Variants in AGAP6 observed in about 807,000 individuals in gnomAD.
The protein encoded by AGAP6 is ArfGAP with GTPase domain, ankyrin repeat and PH domain 6.
Under a neutral mutation model 63.9 loss-of-function variants are expected in AGAP6, and 29 were observed. The ratio of observed to expected loss-of-function variants is 0.45; its 90% CI spans 0.34 to 0.62. The LOEUF (loss-of-function observed/expected upper bound fraction) is 0.62, where lower values mean the gene tolerates loss of function less well. AGAP6 is among the 20% of genes least tolerant of loss of function. The pLI is 0.01. For synonymous variants in AGAP6, 199 were observed against 332.9 expected (o/e 0.60, Z 4.38); for missense variants, 493 against 884.9 (o/e 0.56, Z 5.62).
chr10:49,999,918 C>A (rs1441332043), intron 4 of AGAP6, among the ~76,000 whole-genome samples: 2 of 142,446 alleles, frequency 1.4e-5, no homozygotes, highest in Non-Finnish European at 3.0e-5. Context: ...TAGACCTAAC[C>A]AAGGAGGTGA....
intron 4 of AGAP6, 67 bp downstream of exon 4, chr10:49,994,496 T>G: frequency 6.7e-7 from 1 of 1,501,180 alleles, no homozygotes. Flanking sequence ...TCTTGATTTC[T>G]TTAAATTACA....
chr10:49,998,861 C>T (rs1841592495), intron 4 of AGAP6, among the ~76,000 whole-genome samples: 1 of 138,878 alleles, frequency 7.2e-6, no homozygotes. Context: ...GGGTGTCTTT[C>T]CATTTGTTTG....
At chr10:49,989,833 T>G (rs1386960505) in intron 2 of AGAP6, among the ~76,000 whole-genome samples, 7 of 152,242 alleles carry the variant, frequency 4.6e-5, no homozygotes, top group East Asian at 1.9e-4. Flanking sequence ...GTGTGTGTGT[T>G]TGGGGTTTCT....
intron 2 of AGAP6, among the ~76,000 whole-genome samples, chr10:49,990,555 A>C (rs1309199848): frequency 6.6e-6 from 1 of 152,262 alleles, no homozygotes; most frequent in Non-Finnish European, 1.5e-5. Context: ...TTTGCCTCAA[A>C]AATTTTGCAA....
At chr10:49,992,310 A>G (rs1435198745) in intron 3 of AGAP6, among the ~76,000 whole-genome samples, 2 of 151,824 alleles carry the variant, frequency 1.3e-5, no homozygotes, top group Non-Finnish European at 2.9e-5. Context: ...AACATGCCCT[A>G]CTCCTGCTTA....
rs1168884993 is a variant in AGAP6, at chr10:49,999,420, A to G, written c.397-2576A>G. Among the ~76,000 whole-genome samples, 6 of 140,610 alleles carry G rather than the reference A, an allele frequency of 4.3e-5. 2 individuals are homozygous for G. Among genetic ancestry groups the G allele is most frequent in the African/African-American group, 1.6e-4 (6 of 36,774 alleles). The allele number at this position is 140,610 out of a possible 152,430, so 92.2% of individuals were successfully genotyped here. ...ATTTGACAAAATGCAGCATCCTTTTATGATTAAAACCCTCAGCAAAATCAG... is the reference window on the plus strand; with the variant it reads ...ATTTGACAAAATGCAGCATCCTTTTGTGATTAAAACCCTCAGCAAAATCAG... On this transcript the variant is annotated intron_variant, in intron 4 of 7. Transcript: ENST00000412531.
intron 2 of AGAP6, among the ~76,000 whole-genome samples, chr10:49,990,735 T>A (rs1423046935): frequency 2.0e-5 from 3 of 152,232 alleles, no homozygotes; most frequent in African/African-American, 7.2e-5. Context: ...GTCTTATAGC[T>A]CTTCTATTTA....
chr10:50,008,743 T>C lies in AGAP6; in HGVS notation c.618T>C (p.Asn206=). Residue 206 remains asparagine, a synonymous_variant, in exon 8 of 8, where the codon AAT becomes AAC. Coordinates refer to ENST00000412531, the MANE Select transcript of AGAP6 (RefSeq NM_001077665.3). The part of the protein sequence containing the change: ...VSTVHIMKKR[N]GGGSLNNYSS... ...CCGTGCACATTATGAAGAAAAGAAA[T>C]GGAGGTGGGAGTTTAAATAACTATT... 6.2e-7 allele frequency: 1 copy of C among 1,614,136 alleles called. No individual in the cohort carries two copies. Among genetic ancestry groups the C allele is most frequent in the South Asian group, 1.1e-5 (1 of 91,078 alleles).
chr10:50,004,186 C>CCG lies in AGAP6; in HGVS notation c.498-498_498-497insGC, dbSNP rs1299741183. ...GGCAACAAGAGCGAAACTCCACCCA[C>CCG]CCCACCCCCCCAAAAAAAAATTATC... On this transcript the variant is annotated intron_variant, in intron 5 of 7. Transcript: ENST00000412531. Among the ~76,000 whole-genome samples the CCG allele has an allele frequency of 2.1e-5, 3 of 146,040 alleles. No individual in the cohort carries two copies. The East Asian group carries it at 6.1e-4, about 30-fold the overall frequency.
intron 5 of AGAP6, among the ~76,000 whole-genome samples, chr10:50,002,588 AG>A (rs1328396738): frequency 3.0e-5 from 3 of 99,030 alleles, no homozygotes; most frequent in Non-Finnish European, 4.0e-5. Context: ...TTATTTTAAA[AG>A]GAACAACAAC....
intron 4 of AGAP6, among the ~76,000 whole-genome samples, chr10:50,001,438 G>T (rs368745522): frequency 0.29 from 17,545 of 60,242 alleles, 1,286 homozygotes; most frequent in East Asian, 0.43. Context: ...TTTTTTTTTT[G>T]AGACGGAGTC....
At position 49,988,818 on chromosome 10, in the gene AGAP6, G is replaced by A. The variant is rs1337991786; in HGVS notation, c.103G>A (p.Gly35Arg). 20 of 1,560,664 alleles carry A rather than the reference G, an allele frequency of 1.3e-5. 1 individual carries two copies. Among genetic ancestry groups the A allele is most frequent in the Non-Finnish European group, 1.7e-5 (19 of 1,149,554 alleles). Residue 35 changes from glycine (G) to arginine (R), a missense_variant, in exon 1 of 8, where the codon GGA becomes AGA. Gly to Arg is a moderately radical substitution (Grantham distance 125). This residue lies in a region of AGAP6 where 342 missense variants were observed against 533.4 expected (regional missense o/e 0.64). Coordinates refer to ENST00000412531, the MANE Select transcript of AGAP6 (RefSeq NM_001077665.3). ...CTCTGAATCTGAGACCTATGAGGCA[G>A]GAGCTAGGGACAGGATGGCAGGAGC... ...CPSESETYEAGARDRMAGAPM... is the reference protein window; with the variant it reads ...CPSESETYEARARDRMAGAPM...
chr10:49,995,104 A>C (rs1304331094), intron 4 of AGAP6, among the ~76,000 whole-genome samples: 1 of 152,118 alleles, frequency 6.6e-6, no homozygotes, highest in Non-Finnish European at 1.5e-5. Context: ...TCCCCGCTAC[A>C]CCATGATCTT....
chr10:50,009,162 C>A lies in AGAP6; in HGVS notation c.1037C>A (p.Ser346Tyr). 1.9e-6 allele frequency: 3 copies of A among 1,614,196 alleles called. No individual in the cohort carries two copies. The highest frequency in any genetic ancestry group is 2.5e-6 in the Non-Finnish European group (3 of 1,180,046). ...STIKVPGKWP[S>Y]LATSACTPIS... ...ATCAAAGTCCCAGGAAAGTGGCCAT[C>A]CCTAGCCACATCGGCCTGCACACCC... Residue 346 changes from serine (S) to tyrosine (Y), a missense_variant, in exon 8 of 8, where the codon TCC (serine) becomes TAC (tyrosine). Coordinates refer to ENST00000412531, the MANE Select transcript of AGAP6 (RefSeq NM_001077665.3).
Position 50,005,756 on chromosome 10 carries a change from C to T in AGAP6, c.533+1036C>T, listed in dbSNP as rs560668297. ...ACCAACATGGTAAAACCCGCCTCTACTGAAAGTACAAAAAATGGCTGGGCG... is the reference window on the plus strand; with the variant it reads ...ACCAACATGGTAAAACCCGCCTCTATTGAAAGTACAAAAAATGGCTGGGCG... On this transcript the variant is annotated intron_variant, in intron 6 of 7. Transcript: ENST00000412531. Among the ~76,000 whole-genome samples, 737 of 147,140 alleles carry T rather than the reference C, an allele frequency of 5.0e-3. 10 individuals are homozygous for T. Among genetic ancestry groups the T allele is most frequent in the Middle Eastern group, 0.031 (8 of 262 alleles).
intron 4 of AGAP6, among the ~76,000 whole-genome samples, chr10:49,996,432 G>A (rs1841490402): frequency 6.6e-6 from 1 of 151,864 alleles, no homozygotes; most frequent in Non-Finnish European, 1.5e-5. Context: ...TTTTCATTTG[G>A]GAGACCTCAG....
chr10:49,996,045 A>C (rs1304164054), intron 4 of AGAP6, among the ~76,000 whole-genome samples: 1 of 150,390 alleles, frequency 6.6e-6, no homozygotes, highest in African/African-American at 2.5e-5. Flanking sequence ...ATTTTTTTTT[A>C]TTTTCTCTGT....
chr10:49,989,126 A>G (rs1283095733), intron 1 of AGAP6, among the ~76,000 whole-genome samples, 182 bp from the exon 2 acceptor site: 1 of 151,036 alleles, frequency 6.6e-6, no homozygotes, highest in Non-Finnish European at 1.5e-5. Context: ...CACCGAGTCC[A>G]GTCAGTTTCT....
At chr10:50,005,877 G>T (rs1486638665) in intron 6 of AGAP6, among the ~76,000 whole-genome samples, 2 of 149,074 alleles carry the variant, frequency 1.3e-5, no homozygotes, top group Admixed American at 6.7e-5. Flanking sequence ...CCGAGATCTC[G>T]CCATTGCACC....
Sources: allele counts gnomAD v4.1 joint callset (sites outside exome capture counted in the v4.1 genomes callset), GRCh38; gene constraint gnomAD v4.1.1; regional missense constraint gnomAD v4.1.1; transcripts MANE v1.5; gene names NCBI Gene and HGNC (gene_info 2026-07-23, HGNC 2026-07-21).